SDC3: variants seen among roughly 807,000 people sequenced by gnomAD.
SDC3 encodes syndecan 3, also known as syndecan-3.
In SDC3, 13 loss-of-function variants were observed where a neutral mutation model predicts 24.4. The ratio of observed to expected loss-of-function variants is 0.53; its 90% confidence interval spans 0.35 to 0.85. The LOEUF is 0.85. Ranked by LOEUF, SDC3 falls within the 40% of genes least tolerant of loss-of-function variation. The pLI, the probability that SDC3 is intolerant of heterozygous loss-of-function variation, is 0.01. For synonymous variants in SDC3, 295 were observed against 260.9 expected (o/e 1.13, Z -1.26); for missense variants, 571 against 584.5 (o/e 0.98, Z 0.24).
At position 30,907,016 on chromosome 1, in the gene SDC3, G is replaced by A. The variant is rs142237226; in HGVS notation, c.138+1433C>T. Among the ~76,000 whole-genome samples the A allele has an allele frequency of 3.1e-3, 476 of 152,300 alleles. 4 individuals are homozygous for A. Among genetic ancestry groups the A allele is most frequent in the African/African-American group, 0.011 (451 of 41,560 alleles). ...CAGCCCCCTAGATGGGGAAGGCTGA[G>A]GAGGGGCCTGTCCATCCAAGAAGCA... On this transcript the variant is annotated intron_variant, in intron 1 of 4. Coordinates refer to ENST00000339394, the MANE Select transcript of SDC3 (RefSeq NM_014654.4).
In SDC3 at chr1:30,875,762, C is replaced by T. The variant is rs544552259; in HGVS notation, c.870+790G>A. Among the ~76,000 whole-genome samples the T allele has an allele frequency of 5.9e-5, 9 of 152,342 alleles. No individual in the cohort carries two copies. In the East Asian group the frequency reaches 7.7e-4, roughly 13 times the overall value. Reference sequence around the variant, plus strand: ...CTGCGAGACTGCCCGGCTCTGGCACCAACTGCCTGGGTTCAAATCCTGACT... The same window carrying T: ...CTGCGAGACTGCCCGGCTCTGGCACTAACTGCCTGGGTTCAAATCCTGACT... On this transcript the variant is annotated intron_variant, in intron 3 of 4. Transcript: ENST00000339394.
intron 1 of SDC3, among the ~76,000 whole-genome samples, chr1:30,890,584 T>C (rs1464657300): frequency 6.6e-6 from 1 of 152,212 alleles, no homozygotes; most frequent in African/African-American, 2.4e-5. Context: ...TTTACAACTA[T>C]GTAAATATAC....
chr1:30,901,623 G>C (rs940258596), intron 1 of SDC3, among the ~76,000 whole-genome samples: 3 of 152,096 alleles, frequency 2.0e-5, no homozygotes, highest in African/African-American at 7.2e-5. Context: ...CTCCAACTGG[G>C]AGTCCGGCCC....
chr1:30,903,294 T>C (rs1441548287), intron 1 of SDC3, among the ~76,000 whole-genome samples: 2 of 152,190 alleles, frequency 1.3e-5, no homozygotes, highest in African/African-American at 4.8e-5. Flanking sequence ...ACTGGGGGCA[T>C]CTGGCACATA....
At chr1:30,896,729 AGGTAGGT>A (rs1638268291) in intron 1 of SDC3, among the ~76,000 whole-genome samples, 2 of 152,274 alleles carry the variant, frequency 1.3e-5, no homozygotes, top group African/African-American at 4.8e-5. Flanking sequence ...TGGGAGGCTG[AGGTAGGT>A]GGATCATTTG....
intron 1 of SDC3, among the ~76,000 whole-genome samples, chr1:30,883,264 C>G (rs1231386974): frequency 1.3e-5 from 2 of 152,218 alleles, no homozygotes; most frequent in Non-Finnish European, 2.9e-5. Flanking sequence ...ATTAGGTCAG[C>G]AGGCTGGGGG....
chr1:30,904,685 C>T (rs959684131), intron 1 of SDC3, among the ~76,000 whole-genome samples: 1 of 152,046 alleles, frequency 6.6e-6, no homozygotes, highest in Admixed American at 6.6e-5. Context: ...GTATTTGTTG[C>T]CCCCAGTTGA....
At chr1:30,885,606 G>T (rs1244424593) in intron 1 of SDC3, among the ~76,000 whole-genome samples, 3 of 152,200 alleles carry the variant, frequency 2.0e-5, no homozygotes, top group East Asian at 1.9e-4. Flanking sequence ...AACTGAAAAG[G>T]GGGGTGGAAA....
In SDC3 at chr1:30,869,536, CAAAAAAAAAA is replaced by C. The variant is rs11338317; in HGVS notation, c.*3665_*3674del. 30 of 348,304 alleles carry C rather than the reference CAAAAAAAAAA, an allele frequency of 8.6e-5. No individual in the cohort carries two copies. Among genetic ancestry groups the C allele is most frequent in the African/African-American group, 6.8e-4 (26 of 38,442 alleles). 21.6% of individuals were successfully genotyped at this position (348,304 alleles called of 1,614,324 possible). ...AGGAAGTGTTAAAAAAACAAACAAA[CAAAAAAAAAA>C]AAAAAAAAAAAAAAACAAAAACAAA... On this transcript the variant is annotated 3_prime_UTR_variant, in exon 5 of 5. Transcript: ENST00000339394.
At chr1:30,890,775 C>G (rs1037592187) in intron 1 of SDC3, among the ~76,000 whole-genome samples, 3 of 152,178 alleles carry the variant, frequency 2.0e-5, no homozygotes, top group Non-Finnish European at 4.4e-5. Context: ...CATTCCTTAT[C>G]CTGACAACAC....
intron 1 of SDC3, among the ~76,000 whole-genome samples, chr1:30,893,835 G>T (rs1027754764): frequency 1.3e-5 from 2 of 152,108 alleles, no homozygotes; most frequent in African/African-American, 4.8e-5. Flanking sequence ...CTACCCCCTA[G>T]CCTGCCGGCA....
chr1:30,884,699 C>A (rs1639803663), intron 1 of SDC3, among the ~76,000 whole-genome samples: 1 of 152,180 alleles, frequency 6.6e-6, no homozygotes, highest in African/African-American at 2.4e-5. Context: ...TCTGCCTTTC[C>A]TTTGCCCCAT....
At position 30,874,523 on chromosome 1, in the gene SDC3, C is replaced by T. The variant is rs780246661; in HGVS notation, c.936G>A (p.Gly312=). 2 of 1,613,942 alleles carry T rather than the reference C, an allele frequency of 1.2e-6. No individual in the cohort carries two copies. The highest frequency in any genetic ancestry group is 2.2e-5 in the East Asian group (1 of 44,894). The change falls in exon 4 of 5, where the codon GGG becomes GGA. Residue 312 remains glycine (G), a synonymous_variant. Transcript: ENST00000339394. The part of the protein sequence containing the change: ...RDEPEVPVSG[G]PSGDFELPEE... ...CTGGCAGCTCGAAGTCTCCACTGGG[C>T]CCCCCACTCACCGGAACCTCTGGCT... is the stretch of plus-strand genomic sequence containing the variant.
At chr1:30,893,220 T>A (rs1400966835) in intron 1 of SDC3, among the ~76,000 whole-genome samples, 4 of 142,056 alleles carry the variant, frequency 2.8e-5, no homozygotes, top group Non-Finnish European at 6.0e-5. Context: ...CCCCAGGCAG[T>A]GTGGAATGTT....
chr1:30,894,035 C>A (rs550879188), intron 1 of SDC3, among the ~76,000 whole-genome samples: 1 of 152,260 alleles, frequency 6.6e-6, no homozygotes, highest in Admixed American at 6.5e-5. Context: ...AGATGACCAG[C>A]TGCCCCTCTG....
At chr1:30,893,264 C>G (rs1000366556) in intron 1 of SDC3, among the ~76,000 whole-genome samples, 3 of 146,066 alleles carry the variant, frequency 2.1e-5, no homozygotes, top group Non-Finnish European at 4.5e-5. Flanking sequence ...GACAGTCTCA[C>G]CACTGTGCCA....
In SDC3 at chr1:30,869,536, C is replaced by CAAAAAAAAAAAAAAAAAAAAAAAAAA. The variant is rs11338317; in HGVS notation, c.*3674_*3675insTTTTTTTTTTTTTTTTTTTTTTTTTT. On this transcript the variant is annotated 3_prime_UTR_variant, in exon 5 of 5. Transcript: ENST00000339394. ...AGGAAGTGTTAAAAAAACAAACAAA[C>CAAAAAAAAAAAAAAAAAAAAAAAAAA]AAAAAAAAAAAAAAAAAAAAAAAAA... 3.0e-6 allele frequency: 1 copy of CAAAAAAAAAAAAAAAAAAAAAAAAAA among 331,864 alleles called. No individual in the cohort carries two copies. Among genetic ancestry groups the CAAAAAAAAAAAAAAAAAAAAAAAAAA allele is most frequent in the Non-Finnish European group, 5.2e-6 (1 of 192,638 alleles). The allele number at this position is 331,864 out of a possible 1,614,324, so 20.6% of individuals were successfully genotyped here. A position where few individuals can be genotyped will look rare whatever the true frequency, so the allele number is the denominator to read the frequency against.
intron 1 of SDC3, among the ~76,000 whole-genome samples, chr1:30,892,212 C>T (rs1639916474): frequency 6.6e-6 from 1 of 152,136 alleles, no homozygotes; most frequent in Non-Finnish European, 1.5e-5. Context: ...GCCTGGCCTC[C>T]ACTCCTCATG....
At chr1:30,908,301 G>A (rs1390237022) in intron 1 of SDC3, 148 bp downstream of exon 1, 1 of 252,366 alleles carries the variant, frequency 4.0e-6, no homozygotes, top group African/African-American at 2.4e-5. Flanking sequence ...GGGGAGGGTC[G>A]AGGGGTGGCA....
Sources: gnomAD v4.1 joint callset for allele counts (sites outside exome capture counted in the v4.1 genomes callset) on GRCh38, gnomAD v4.1.1 for gene constraint, MANE v1.5 for transcripts, NCBI Gene and HGNC (gene_info 2026-07-23, HGNC 2026-07-21) for gene names.